Variants in GYPB observed in about 807,000 individuals in gnomAD.
GYPB encodes glycophorin-B.
Under a neutral mutation model 15.3 loss-of-function variants are expected in GYPB, and 13 were observed. The ratio of observed to expected loss-of-function variants is 0.85; its 90% CI spans 0.55 to 1.35. GYPB has a LOEUF of 1.35. Ranked by LOEUF, GYPB falls within the 40% of genes most tolerant of loss-of-function variation. The probability of loss-of-function intolerance (pLI) is 0.00; values close to 1 mark genes in which losing one functional copy is unlikely to be tolerated. For synonymous variants in GYPB, 38 were observed against 36.9 expected, an observed-to-expected ratio of 1.03 and a Z score of -0.11; for missense variants, 131 against 108.3, an observed-to-expected ratio of 1.21 and a Z score of -0.93.
At chr4:144,005,101 G>A (rs1395388015) in intron 1 of GYPB, among the ~76,000 whole-genome samples, 1 of 151,954 alleles carries the variant, frequency 6.6e-6, no homozygotes, top group African/African-American at 2.4e-5. Flanking sequence ...TAGATTAAAG[G>A]TCAGTTTAAG....
In GYPB at chr4:143,997,697, A is replaced by G. The variant is rs1193647308; in HGVS notation, c.176-63T>C. 4.7e-6 allele frequency: 4 copies of G among 845,372 alleles called. 1 individual carries two copies. In the African/African-American group the frequency reaches 6.8e-5, roughly 14 times the overall value. 52.4% of individuals were successfully genotyped at this position (845,372 alleles called of 1,614,324 possible). On this transcript the variant is annotated intron_variant, in intron 3 of 4. Coordinates refer to ENST00000502664, the MANE Select transcript of GYPB (RefSeq NM_002100.6). ...ATGACCACATAGCAATAGAAAAATA[A>G]GACAGATAACATCAGCATAACATCA...
chr4:144,015,436 T>G (rs1294869430), intron 1 of GYPB, among the ~76,000 whole-genome samples: 3 of 151,354 alleles, frequency 2.0e-5, no homozygotes, highest in Admixed American at 1.3e-4. Flanking sequence ...CATATAAGTA[T>G]GATTGGGGTT....
At chr4:144,005,939 A>G (rs1004393997) in intron 1 of GYPB, among the ~76,000 whole-genome samples, 1 of 151,522 alleles carries the variant, frequency 6.6e-6, no homozygotes, top group African/African-American at 2.5e-5. Context: ...GGAGTATAAC[A>G]TGCATTGATG....
intron 3 of GYPB, among the ~76,000 whole-genome samples, chr4:143,997,923 C>T (rs1313539939): frequency 6.6e-6 from 1 of 151,142 alleles, no homozygotes; most frequent in Non-Finnish European, 1.5e-5. Flanking sequence ...ACTAGTGTAA[C>T]TGTAGATAAG....
At chr4:144,002,620 G>A in intron 1 of GYPB, 1 of 1,287,036 alleles carries the variant, frequency 7.8e-7, no homozygotes, top group East Asian at 5.5e-5. Context: ...GCACCCAAGT[G>A]CAGTGGAGTG....
rs190139855 is a variant in GYPB, at chr4:144,013,499, G to A, written c.37+5752C>T. On this transcript the variant is annotated intron_variant, in intron 1 of 4. Transcript: ENST00000502664. ...GTTTATTGTGGCATTATTCACAATA[G>A]CAGAGACTTGGAACCAACCCAAATG... 6.5e-3 allele frequency among the ~76,000 whole-genome samples: 991 copies of A among 151,354 alleles called. 63 individuals are homozygous for A. Among genetic ancestry groups the A allele is most frequent in the African/African-American group, 0.023 (935 of 40,650 alleles).
At position 143,997,232 on chromosome 4, in the gene GYPB, A is replaced by G. The variant is rs551467350; in HGVS notation, c.270+308T>C. ...TTTTTACACTAATAGGTTAAATACT[A>G]TAAGAAGAATCTTAATATTTCCTCA... On this transcript the variant is annotated intron_variant, in intron 4 of 4. Coordinates refer to ENST00000502664, the MANE Select transcript of GYPB (RefSeq NM_002100.6). The G allele has an allele frequency of 1.3e-5, 3 of 236,086 alleles. No homozygotes were observed. In the South Asian group the frequency reaches 1.9e-4, roughly 15 times the overall value. 14.6% of individuals were successfully genotyped at this position (236,086 alleles called of 1,614,324 possible).
At chr4:144,008,421 G>A (rs1728039700) in intron 1 of GYPB, 1 of 455,228 alleles carries the variant, frequency 2.2e-6, no homozygotes, top group African/African-American at 2.0e-5. Flanking sequence ...TAGGAGTGTT[G>A]TACCTCTAAC....
chr4:144,009,118 C>G (rs1342616529), intron 1 of GYPB, among the ~76,000 whole-genome samples: 3 of 151,304 alleles, frequency 2.0e-5, no homozygotes, highest in Non-Finnish European at 4.4e-5. Flanking sequence ...TCCCTCAATT[C>G]ACATTTAATT....
chr4:144,015,263 G>T (rs1312143709), intron 1 of GYPB, among the ~76,000 whole-genome samples: 3 of 151,274 alleles, frequency 2.0e-5, no homozygotes. Flanking sequence ...AACACTCAGA[G>T]ATAAGCCCGG....
At chr4:144,009,316 C>T (rs1036160271) in intron 1 of GYPB, among the ~76,000 whole-genome samples, 2 of 151,218 alleles carry the variant, frequency 1.3e-5, no homozygotes, top group African/African-American at 4.9e-5. Context: ...TTAAGTTTTT[C>T]AAATTGTCTG....
At chr4:144,012,706 C>G (rs1275197821) in intron 1 of GYPB, 1 of 151,504 alleles carries the variant, frequency 6.6e-6, no homozygotes, top group Non-Finnish European at 1.5e-5. Context: ...GTGTCAAGAC[C>G]ATTCAATGGG....
At chr4:144,013,983 C>T (rs1326119965) in intron 1 of GYPB, among the ~76,000 whole-genome samples, 1 of 151,456 alleles carries the variant, frequency 6.6e-6, no homozygotes, top group Non-Finnish European at 1.5e-5. Context: ...AATGCAGTTA[C>T]CAACAATTAC....
At chr4:144,018,710 T>C (rs982189484) in intron 1 of GYPB, among the ~76,000 whole-genome samples, 1 of 151,376 alleles carries the variant, frequency 6.6e-6, no homozygotes, top group Non-Finnish European at 1.5e-5. Context: ...ACACGACACC[T>C]AAGCCAGTAA....
At chr4:144,012,191 A>G (rs1419361045) in intron 1 of GYPB, among the ~76,000 whole-genome samples, 15 of 151,068 alleles carry the variant, frequency 9.9e-5, no homozygotes, top group African/African-American at 1.5e-4. Context: ...TGAAAGCACA[A>G]GCAGAACACT....
intron 1 of GYPB, among the ~76,000 whole-genome samples, chr4:144,004,314 A>G: frequency 6.6e-6 from 1 of 151,902 alleles, no homozygotes; most frequent in Non-Finnish European, 1.5e-5. Flanking sequence ...TTCATAGTTC[A>G]TTTTTCTTCC....
At chr4:144,004,421 T>A (rs72729503) in intron 1 of GYPB, among the ~76,000 whole-genome samples, 1 of 151,822 alleles carries the variant, frequency 6.6e-6, no homozygotes, top group South Asian at 2.1e-4. Flanking sequence ...CTATTGGAAG[T>A]CTATAGTTTA....
Position 144,004,001 on chromosome 4 carries a change from A to G in GYPB, c.38-2718T>C, listed in dbSNP as rs376900231. Among the ~76,000 whole-genome samples, 79 of 149,824 alleles carry G rather than the reference A, an allele frequency of 5.3e-4. 3 individuals carry two copies. Among genetic ancestry groups the G allele is most frequent in the African/African-American group, 1.1e-3 (45 of 40,252 alleles). ...GGTAACACATTGACACAATTTCCTC[A>G]ATGTAAAATTGTATACACTTTATCC... is the stretch of plus-strand genomic sequence containing the variant. On this transcript the variant is annotated intron_variant, in intron 1 of 4. Transcript: ENST00000502664.
At chr4:143,999,147 A>T in intron 3 of GYPB, 1 of 324,014 alleles carries the variant, frequency 3.1e-6, no homozygotes. Context: ...GGCTCAAGTG[A>T]TTAGCCAGGC....
Sources: allele counts gnomAD v4.1 joint callset (sites outside exome capture counted in the v4.1 genomes callset), GRCh38; gene constraint gnomAD v4.1.1; transcripts MANE v1.5; gene names NCBI Gene and HGNC (gene_info 2026-07-23, HGNC 2026-07-21).